The following TMEM117 variants were observed in gnomAD, a reference collection of about 807,000 sequenced individuals.
The protein encoded by TMEM117 is transmembrane protein 117.
In TMEM117, 27 loss-of-function variants were observed where a neutral mutation model predicts 52.4. The ratio of observed to expected loss-of-function variants is 0.51; its 90% CI spans 0.38 to 0.71. TMEM117 has a LOEUF of 0.71. TMEM117 is among the 30% of genes least tolerant of loss of function. The probability of loss-of-function intolerance (pLI) is 0.00; values close to 1 mark genes in which losing one functional copy is unlikely to be tolerated. For missense variants in TMEM117, 556 were observed against 630.5 expected (o/e 0.88, Z 1.26); for synonymous variants, 215 against 206.3 (o/e 1.04, Z -0.36).
intron 6 of TMEM117, among the ~76,000 whole-genome samples, chr12:44,319,535 GT>G (rs1394867474): frequency 6.6e-6 from 1 of 152,080 alleles, no homozygotes; most frequent in Non-Finnish European, 1.5e-5. Context: ...GTCTTAATGG[GT>G]TCCCGTTTTC....
At chr12:44,205,721 T>A (rs535125154) in intron 4 of TMEM117, among the ~76,000 whole-genome samples, 1 of 152,044 alleles carries the variant, frequency 6.6e-6, no homozygotes, top group Non-Finnish European at 1.5e-5. Flanking sequence ...AGATACCATC[T>A]CACACTAGTT....
intron 5 of TMEM117, among the ~76,000 whole-genome samples, chr12:44,273,642 G>C (rs181154285): frequency 9.3e-4 from 141 of 152,162 alleles, no homozygotes; most frequent in African/African-American, 3.2e-3. Flanking sequence ...TTTAGCCCTG[G>C]GATGCCAGGA....
rs190518339 is a variant in TMEM117, at chr12:44,229,368, A to G, written c.608+17981A>G. On this transcript the variant is annotated intron_variant, in intron 5 of 7. Transcript: ENST00000266534. ...ATTAAACATCATGTTAGAGATATTA[A>G]TGAAGTGTCCTAGCTTAGTTAAGAC... Among the ~76,000 whole-genome samples, 434 of 152,236 alleles carry G rather than the reference A, an allele frequency of 2.9e-3. 6 individuals carry two copies. The highest frequency in any genetic ancestry group is 1.0e-3 in the Non-Finnish European group (69 of 68,016).
chr12:44,125,197 C>T (rs532465097), intron 3 of TMEM117, among the ~76,000 whole-genome samples: 9 of 152,254 alleles, frequency 5.9e-5, no homozygotes, highest in South Asian at 2.1e-4. Flanking sequence ...CTCTGCCTGC[C>T]GGGTTCACGC....
intron 2 of TMEM117, among the ~76,000 whole-genome samples, chr12:43,926,485 A>G (rs1258974616): frequency 6.6e-6 from 1 of 152,230 alleles, no homozygotes; most frequent in East Asian, 1.9e-4. Flanking sequence ...TTAAATTCAC[A>G]TTAGTCATTC....
At chr12:44,352,684 T>C (rs1296976692) in intron 6 of TMEM117, among the ~76,000 whole-genome samples, 4 of 151,980 alleles carry the variant, frequency 2.6e-5, no homozygotes, top group Non-Finnish European at 5.9e-5. Context: ...TTTTCTTAAT[T>C]CAGTCTATCA....
chr12:43,806,450 C>G, the TMEM117 span: 1 of 1,050,722 alleles, frequency 9.5e-7, no homozygotes, highest in African/African-American at 1.7e-5. Flanking sequence ...CGGTCCAGCC[C>G]CCGGCCTCGC....
chr12:44,090,278 G>A (rs1474782555), intron 3 of TMEM117, among the ~76,000 whole-genome samples: 1 of 152,062 alleles, frequency 6.6e-6, no homozygotes, highest in Non-Finnish European at 1.5e-5. Context: ...TGTCACTCAA[G>A]TAGTAAACAT....
At chr12:43,850,519 A>G (rs775285478) in intron 2 of TMEM117, among the ~76,000 whole-genome samples, 1 of 151,940 alleles carries the variant, frequency 6.6e-6, no homozygotes, top group Non-Finnish European at 1.5e-5. Context: ...GTGCTCTCCC[A>G]TGCCCATTAT....
At chr12:44,068,703 A>G (rs1373627717) in intron 3 of TMEM117, among the ~76,000 whole-genome samples, 3 of 152,188 alleles carry the variant, frequency 2.0e-5, no homozygotes, top group Non-Finnish European at 4.4e-5. Flanking sequence ...TATAACAGAT[A>G]TAATAATAAT....
intron 3 of TMEM117, among the ~76,000 whole-genome samples, chr12:43,950,735 A>T (rs1192305842): frequency 1.3e-5 from 2 of 152,182 alleles, no homozygotes; most frequent in Admixed American, 6.5e-5. Flanking sequence ...TTTTTTTCTC[A>T]AAAGAAATAT....
At chr12:43,800,827 T>G in the TMEM117 span, among the ~76,000 whole-genome samples, 1 of 152,180 alleles carries the variant, frequency 6.6e-6, no homozygotes, top group Non-Finnish European at 1.5e-5. Flanking sequence ...CTCAGCTCAC[T>G]GCAACCTCTG....
At chr12:44,229,851 C>G (rs1241609546) in intron 5 of TMEM117, among the ~76,000 whole-genome samples, 2 of 152,000 alleles carry the variant, frequency 1.3e-5, no homozygotes, top group African/African-American at 4.8e-5. Context: ...TCTCTTTATT[C>G]CAATAATTTT....
At chr12:44,214,152 T>G (rs959485117) in intron 5 of TMEM117, among the ~76,000 whole-genome samples, 2 of 123,248 alleles carry the variant, frequency 1.6e-5, no homozygotes, top group African/African-American at 9.6e-5. Flanking sequence ...TTTTTTTTTT[T>G]TTTTTTTTTT....
chr12:44,054,644 C>G (rs1466623399), intron 3 of TMEM117, among the ~76,000 whole-genome samples: 1 of 151,488 alleles, frequency 6.6e-6, no homozygotes, highest in Non-Finnish European at 1.5e-5. Flanking sequence ...AGGTTTTTGC[C>G]TTATTTGTTA....
At chr12:43,881,172 A>C (rs1943889737) in intron 2 of TMEM117, among the ~76,000 whole-genome samples, 1 of 152,196 alleles carries the variant, frequency 6.6e-6, no homozygotes, top group Non-Finnish European at 1.5e-5. Flanking sequence ...GTTTGGTGCT[A>C]TCAGGAACAT....
chr12:43,838,370 T>C lies in TMEM117; in HGVS notation c.-29+2174T>C, dbSNP rs182956908. 3.3e-5 allele frequency among the ~76,000 whole-genome samples: 5 copies of C among 151,948 alleles called. No individual in the cohort carries two copies. The East Asian group carries it at 9.7e-4, about 29-fold the overall frequency. On this transcript the variant is annotated intron_variant, in intron 1 of 7. Transcript: ENST00000266534. ...CACCCCCACATCCCCATACCACTAA[T>C]AGACAAAAACAGAAATGATGTTTTG...
chr12:44,008,006 C>G (rs1469453394), intron 3 of TMEM117, among the ~76,000 whole-genome samples: 1 of 152,114 alleles, frequency 6.6e-6, no homozygotes, highest in African/African-American at 2.4e-5. Context: ...GCTGATCAGC[C>G]ATAAATACAG....
intron 4 of TMEM117, among the ~76,000 whole-genome samples, chr12:44,158,299 A>C (rs1948854009): frequency 6.6e-6 from 1 of 152,182 alleles, no homozygotes; most frequent in Admixed American, 6.5e-5. Flanking sequence ...AAAGAATTCA[A>C]TAGTAAACCC....
Sources: allele counts gnomAD v4.1 joint callset (sites outside exome capture counted in the v4.1 genomes callset), GRCh38; gene constraint gnomAD v4.1.1; transcripts MANE v1.5; gene names NCBI Gene and HGNC (gene_info 2026-07-23, HGNC 2026-07-21).